SMCHD1: variants seen among roughly 807,000 people sequenced by gnomAD.
SMCHD1 encodes the protein structural maintenance of chromosomes flexible hinge domain containing 1, also known as structural maintenance of chromosomes flexible hinge domain-containing protein 1.
In SMCHD1, 78 loss-of-function variants were observed where a neutral mutation model predicts 254.7. The observed-to-expected ratio is 0.31, with a 90% confidence interval of 0.26 to 0.37. The LOEUF (loss-of-function observed/expected upper bound fraction) is 0.37. Ranked by LOEUF, SMCHD1 falls within the 10% of genes least tolerant of loss-of-function variation. SMCHD1 has a pLI of 1.00. For synonymous variants in SMCHD1, 766 were observed against 794.9 expected, an observed-to-expected ratio of 0.96 and a Z score of 0.61; for missense variants, 1,840 against 2,408.1, an observed-to-expected ratio of 0.76 and a Z score of 4.94.
At chr18:2,799,396 CTGA>C (rs1221621620) in intron 47 of SMCHD1, among the ~76,000 whole-genome samples, 4 of 152,176 alleles carry the variant, frequency 2.6e-5, no homozygotes, top group Non-Finnish European at 5.9e-5. Context: ...ATAGAAAGAG[CTGA>C]TGATCGTAAA....
rs139227667 is a variant in SMCHD1, at chr18:2,718,887, C to T, written c.2458+453C>T. ...TTTCAAATAGCTTTGTAAGTCTACTCGATAATCATATTCCTTCTGAATTTT... is the reference window on the plus strand; with the variant it reads ...TTTCAAATAGCTTTGTAAGTCTACTTGATAATCATATTCCTTCTGAATTTT... On this transcript the variant is annotated intron_variant, in intron 19 of 47. Coordinates refer to ENST00000320876, the MANE Select transcript of SMCHD1 (RefSeq NM_015295.3). This position sits in a 1 kb window ranked among gnomAD's most constrained non-coding sequence, Gnocchi z 4.6. Among the ~76,000 whole-genome samples the T allele has an allele frequency of 0.017, 2,621 of 151,998 alleles. 41 individuals are homozygous for T. Among genetic ancestry groups the T allele is most frequent in the Middle Eastern group, 0.034 (10 of 290 alleles).
At chr18:2,681,407 C>A (rs2073921571) in intron 5 of SMCHD1, among the ~76,000 whole-genome samples, 2 of 61,194 alleles carry the variant, frequency 3.3e-5, no homozygotes, top group East Asian at 5.7e-4. Context: ...AATGAGACCC[C>A]ATCTCAAAAA....
Position 2,695,515 on chromosome 18 carries a change from G to A in SMCHD1, c.1040+822G>A, listed in dbSNP as rs1335953884. On this transcript the variant is annotated intron_variant, in intron 8 of 47. Transcript: ENST00000320876. ...AGTAGAGACAGGTTTTTGCCGTGTT[G>A]GCCAGGCTGGTCTTGAACTCCTGAC... Among the ~76,000 whole-genome samples the A allele has an allele frequency of 2.0e-5, 3 of 152,050 alleles. No homozygotes were observed. In the East Asian group the frequency reaches 5.8e-4, roughly 29 times the overall value.
intron 37 of SMCHD1, among the ~76,000 whole-genome samples, chr18:2,769,033 A>G (rs536412633): frequency 2.0e-5 from 3 of 152,268 alleles, no homozygotes; most frequent in East Asian, 3.9e-4. Flanking sequence ...TTGTATTGTT[A>G]TAGTCTAAAC....
rs1362906372 is a variant in SMCHD1, at chr18:2,739,486, A to T, written c.3480A>T (p.Thr1160=). 6.2e-7 allele frequency: 1 copy of T among 1,613,240 alleles called. No individual in the cohort carries two copies. The highest frequency in any genetic ancestry group is 1.7e-5 in the Admixed American group (1 of 59,938). Reference sequence around the variant, plus strand: ...AATGTGAAATGAAAGGAGGAAAAACAGTACAGATGGGCCAAGAGCTTCAAG... The same window carrying T: ...AATGTGAAATGAAAGGAGGAAAAACTGTACAGATGGGCCAAGAGCTTCAAG... The part of the protein sequence containing the change: ...HLKCEMKGGK[T]VQMGQELQGE... Residue 1160 remains threonine, a synonymous_variant, in exon 27 of 48, where the codon ACA becomes ACT. Transcript: ENST00000320876.
rs1344779917 is a variant in SMCHD1 at position 2,747,633 on chromosome 18, G to A, written c.3913G>A (p.Ala1305Thr). Residue 1305 changes from alanine to threonine, a missense_variant, in exon 30 of 48, where the codon GCT becomes ACT. Physicochemically the swap from Ala to Thr is moderately conservative, Grantham distance 58. Around this residue, in one of 9 missense-constraint regions of SMCHD1, gnomAD observed 881 missense variants for 1,009.5 expected, o/e 0.87. Coordinates refer to ENST00000320876, the MANE Select transcript of SMCHD1 (RefSeq NM_015295.3). ...VQHVKISLTK[A>T]SNLKLMPSNQ... ...ACATGTTAAAATAAGTCTTACAAAA[G>A]CTAGCAATTTAAAGGTAAGTTTTAA... 6.3e-7 allele frequency: 1 copy of A among 1,587,262 alleles called. No homozygotes were observed. The highest frequency in any genetic ancestry group is 1.1e-5 in the South Asian group (1 of 86,964).
In SMCHD1 at chr18:2,705,792, G is replaced by A. The variant is rs1271520001; in HGVS notation, c.1941G>A (p.Glu647=). ...GAGAAGTATATGCTACAGGAGGAGA[G>A]GTTCAAATTGCAATGGTAAGACAGC... ...HDGEVYATGG[E]VQIAMEPQAL... is the part of the protein sequence containing the mutation. The change falls in exon 14 of 48, where the codon GAG becomes GAA. Residue 647 remains glutamate (E), a synonymous_variant. Transcript: ENST00000320876. 1 of 1,592,500 alleles carries A rather than the reference G, an allele frequency of 6.3e-7. No homozygotes were observed. The highest frequency in any genetic ancestry group is 1.3e-5 in the African/African-American group (1 of 74,362).
Position 2,732,293 on chromosome 18 carries a change from A to C in SMCHD1, c.3077A>C (p.Lys1026Thr). ...PSCKDVAPVE[K>T]TIKLLPSSHV... ...TGTAAAGATGTGGCACCTGTGGAGA[A>C]GACTATTAAGTTGCTTCCCAGTAGC... The change falls in exon 25 of 48, where the codon AAG becomes ACG. Residue 1026 changes from lysine to threonine, a missense_variant. Coordinates refer to ENST00000320876, the MANE Select transcript of SMCHD1 (RefSeq NM_015295.3). 1.2e-6 allele frequency: 2 copies of C among 1,613,748 alleles called. No individual in the cohort carries two copies. Among genetic ancestry groups the C allele is most frequent in the East Asian group, 2.2e-5 (1 of 44,832 alleles).
intron 45 of SMCHD1, among the ~76,000 whole-genome samples, chr18:2,785,647 CAAAAAAAA>C (rs1555656125): frequency 0.017 from 220 of 12,682 alleles, 3 homozygotes; most frequent in African/African-American, 0.048. Flanking sequence ...GACTCTGTCT[CAAAAAAAA>C]AAAAAAAAAA....
rs1452606287 is a variant in SMCHD1 at position 2,659,763 on chromosome 18, G to T, written c.186+3502G>T. Among the ~76,000 whole-genome samples the T allele has an allele frequency of 7.8e-5, 9 of 115,478 alleles. No homozygotes were observed. In the East Asian group the frequency reaches 9.8e-4, roughly 13 times the overall value. The allele number at this position is 115,478 out of a possible 152,430, so 75.8% of individuals were successfully genotyped here. On this transcript the variant is annotated intron_variant, in intron 1 of 47. Coordinates refer to ENST00000320876, the MANE Select transcript of SMCHD1 (RefSeq NM_015295.3). Reference sequence around the variant, plus strand: ...ATTTCTACAATAAACTTGAGATTTTGAAAAAAAAAAAAAAAAAAAGCAGAA... The same window carrying T: ...ATTTCTACAATAAACTTGAGATTTTTAAAAAAAAAAAAAAAAAAAGCAGAA...
At chr18:2,779,862 T>C (rs528706533) in intron 44 of SMCHD1, among the ~76,000 whole-genome samples, 1 of 152,022 alleles carries the variant, frequency 6.6e-6, no homozygotes, top group Non-Finnish European at 1.5e-5. Context: ...GGTGGGGGAT[T>C]TGTCCCAAGT....
rs774329481 is a variant in SMCHD1 at position 2,750,495 on chromosome 18, G to A, written c.4153G>A (p.Gly1385Ser). ...CAAAGATGCATCCTTCTTAGCAGGG[G>A]GTCTTTTCACTGGTGAGTATTTCAC... is the stretch of plus-strand genomic sequence containing the variant. ...YDKDASFLAG[G>S]LFTDFMISVI... Residue 1385 changes from glycine to serine, a missense_variant, in exon 32 of 48, where the codon GGT becomes AGT. Transcript: ENST00000320876. The A allele has an allele frequency of 1.9e-6, 3 of 1,601,130 alleles. No homozygotes were observed. Among genetic ancestry groups the A allele is most frequent in the South Asian group, 1.1e-5 (1 of 89,488 alleles).
At chr18:2,674,210 G>A (rs1055686164) in intron 5 of SMCHD1, 65 bp downstream of exon 5, 320 of 1,398,332 alleles carry the variant, frequency 2.3e-4, no homozygotes, top group Non-Finnish European at 2.7e-4. Context: ...TAAAAAACTG[G>A]TATGCCTTTG....
intron 45 of SMCHD1, among the ~76,000 whole-genome samples, chr18:2,786,095 C>G (rs182747047): frequency 6.6e-6 from 1 of 151,998 alleles, no homozygotes; most frequent in Non-Finnish European, 1.5e-5. Flanking sequence ...CTCACTGCAA[C>G]CTCGGTCTCC....
At position 2,728,569 on chromosome 18, in the gene SMCHD1, A is replaced by G; in HGVS notation, c.2886A>G (p.Ala962=). 2 of 1,612,930 alleles carry G rather than the reference A, an allele frequency of 1.2e-6. No homozygotes were observed. Among genetic ancestry groups the G allele is most frequent in the Non-Finnish European group, 1.7e-6 (2 of 1,179,416 alleles). Residue 962 remains alanine, a synonymous_variant, in exon 23 of 48, where the codon GCA becomes GCG. Transcript: ENST00000320876. ...TAGATGAATCAGACAACATAACAGC[A>G]CAACCAAAATTGATTGTTCATTGTA... ...EVLDESDNIT[A]QPKLIVHCKF... is the part of the protein sequence containing the mutation.
intron 41 of SMCHD1, among the ~76,000 whole-genome samples, chr18:2,773,768 C>G (rs1257007753): frequency 1.3e-5 from 2 of 152,008 alleles, no homozygotes; most frequent in African/African-American, 4.8e-5. Context: ...ATAAAACATA[C>G]AAAAAATAGC....
At chr18:2,711,264 C>T (rs1443385304) in intron 17 of SMCHD1, among the ~76,000 whole-genome samples, 1 of 144,380 alleles carries the variant, frequency 6.9e-6, no homozygotes. Flanking sequence ...CCATGGCTCC[C>T]TTTTTTTTTT....
In SMCHD1 at chr18:2,688,381, T is replaced by C; in HGVS notation, c.639-13T>C. 1 of 1,553,046 alleles carries C rather than the reference T, an allele frequency of 6.4e-7. No individual in the cohort carries two copies. Among genetic ancestry groups the C allele is most frequent in the Non-Finnish European group, 8.9e-7 (1 of 1,124,714 alleles). On this transcript the variant is annotated splice_polypyrimidine_tract_variant and intron_variant, in intron 5 of 47. Coordinates refer to ENST00000320876, the MANE Select transcript of SMCHD1 (RefSeq NM_015295.3). ...AGCTTGTTTAAAATCACTGCATTAA[T>C]GTTTTATTTTAGTGATCATTCAGGA...
At chr18:2,673,394 CTT>C (rs1275888416) in intron 4 of SMCHD1, 31 bp downstream of exon 4, 1 of 1,387,644 alleles carries the variant, frequency 7.2e-7, no homozygotes. Context: ...AGCAATTTAA[CTT>C]TTCCTTTTGT....
Sources: allele counts gnomAD v4.1 joint callset (sites outside exome capture counted in the v4.1 genomes callset), GRCh38; gene constraint gnomAD v4.1.1; regional missense constraint gnomAD v4.1.1; non-coding constraint Gnocchi (gnomAD v3.1); transcripts MANE v1.5; gene names NCBI Gene and HGNC (gene_info 2026-07-23, HGNC 2026-07-21).